GNB1: variants seen among roughly 807,000 people sequenced by gnomAD.
The protein encoded by GNB1 is guanine nucleotide-binding protein G(I)/G(S)/G(T) subunit beta-1.
Under a neutral mutation model 42.9 loss-of-function variants are expected in GNB1, and 2 were observed. The ratio of observed to expected loss-of-function variants is 0.05; its 90% CI spans 0.02 to 0.15. The LOEUF (loss-of-function observed/expected upper bound fraction) is 0.15. GNB1 is among the 10% of genes least tolerant of loss of function. The pLI is 1.00. For missense variants in GNB1, 193 were observed against 462.2 expected (o/e 0.42, Z 5.34); for synonymous variants, 183 against 174.7 (o/e 1.05, Z -0.38).
chr1:1,885,152 C>T (rs1457415027), intron 1 of GNB1, among the ~76,000 whole-genome samples: 1 of 151,824 alleles, frequency 6.6e-6, no homozygotes, highest in African/African-American at 2.4e-5. Flanking sequence ...GTGGCTCACA[C>T]CTGTAATCCC....
chr1:1,805,556 T>G (rs1027212307), intron 6 of GNB1, among the ~76,000 whole-genome samples: 2 of 152,066 alleles, frequency 1.3e-5, no homozygotes, highest in South Asian at 2.1e-4. Context: ...AATTTTTTTT[T>G]CGAGATGGAG....
intron 1 of GNB1, among the ~76,000 whole-genome samples, chr1:1,872,290 T>A (rs1394124596): frequency 6.6e-6 from 1 of 152,254 alleles, no homozygotes; most frequent in Non-Finnish European, 1.5e-5. Flanking sequence ...AACAATCTTT[T>A]AAAATTCACC....
chr1:1,869,196 A>C (rs1649114858), intron 1 of GNB1, among the ~76,000 whole-genome samples: 1 of 151,032 alleles, frequency 6.6e-6, no homozygotes, highest in African/African-American at 2.4e-5. Context: ...AAAAAAAAAA[A>C]AAAAAAAAAA....
At chr1:1,796,523 G>A (rs1468582169) in intron 7 of GNB1, among the ~76,000 whole-genome samples, 3 of 152,226 alleles carry the variant, frequency 2.0e-5, no homozygotes, top group African/African-American at 7.2e-5. Flanking sequence ...CACATAAGAA[G>A]TTCTCAGTAA....
chr1:1,829,371 A>G (rs1452829743), intron 2 of GNB1, among the ~76,000 whole-genome samples: 1 of 152,168 alleles, frequency 6.6e-6, no homozygotes, highest in Admixed American at 6.6e-5. Flanking sequence ...TGTATTTTCT[A>G]CAATCAAATT....
intron 1 of GNB1, among the ~76,000 whole-genome samples, chr1:1,885,549 A>ATTTTTTTT (rs1380160228): frequency 4.4e-4 from 62 of 140,680 alleles, no homozygotes; most frequent in African/African-American, 1.6e-3. Flanking sequence ...CTTCCACTTA[A>ATTTTTTTT]TCTTTTTTTT....
At chr1:1,823,406 T>C (rs1276077271) in intron 3 of GNB1, among the ~76,000 whole-genome samples, 2 of 152,118 alleles carry the variant, frequency 1.3e-5, no homozygotes, top group African/African-American at 2.4e-5. Flanking sequence ...CCAAAAACCA[T>C]GCTGACTTAA....
intron 1 of GNB1, among the ~76,000 whole-genome samples, chr1:1,845,491 T>C (rs1330407845): frequency 6.6e-6 from 1 of 152,086 alleles, no homozygotes; most frequent in Non-Finnish European, 1.5e-5. Flanking sequence ...GAGAATGGCG[T>C]GAACCCAGGA....
intron 3 of GNB1, 35 bp from the exon 4 acceptor site, chr1:1,817,910 TTCA>T: frequency 6.6e-7 from 1 of 1,524,948 alleles, no homozygotes; most frequent in Non-Finnish European, 9.1e-7. Flanking sequence ...TTAGCAACCT[TTCA>T]GATACATTCA....
chr1:1,865,723 A>C (rs534082014), intron 1 of GNB1, among the ~76,000 whole-genome samples: 50 of 152,352 alleles, frequency 3.3e-4, no homozygotes, highest in Middle Eastern at 3.4e-3. Context: ...GGCAGATTTA[A>C]ACAAATTCCT....
At chr1:1,837,553 C>CTTTTTG (rs751404747) in intron 2 of GNB1, among the ~76,000 whole-genome samples, 1 of 146,794 alleles carries the variant, frequency 6.8e-6, no homozygotes, top group Non-Finnish European at 1.5e-5. Context: ...CATGCCTGGC[C>CTTTTTG]TTTTTGTTTT....
chr1:1,877,500 T>C (rs1649615674), intron 1 of GNB1, among the ~76,000 whole-genome samples: 1 of 151,692 alleles, frequency 6.6e-6, no homozygotes, highest in African/African-American at 2.4e-5. Flanking sequence ...TTTATAAAAT[T>C]TTATTTATTT....
intron 3 of GNB1, among the ~76,000 whole-genome samples, chr1:1,823,241 A>AG (rs1491099290): frequency 8.0e-5 from 11 of 137,984 alleles, no homozygotes; most frequent in African/African-American, 2.8e-4. Flanking sequence ...GACTGTCTCC[A>AG]GAAAAAAAAA....
At position 1,814,080 on chromosome 1, in the gene GNB1, C is replaced by T. The variant is rs537002757; in HGVS notation, c.203+1676G>A. On this transcript the variant is annotated intron_variant, in intron 5 of 11. Coordinates refer to ENST00000378609, the MANE Select transcript of GNB1 (RefSeq NM_002074.5). Reference sequence around the variant, plus strand: ...CTCAGAATATCATCTCCCCACTTCCCCACCCTCCCCCTTCCCACTTTTATT... The same window carrying T: ...CTCAGAATATCATCTCCCCACTTCCTCACCCTCCCCCTTCCCACTTTTATT... 1.2e-3 allele frequency among the ~76,000 whole-genome samples: 178 copies of T among 152,278 alleles called. 1 individual carries two copies. The highest frequency in any genetic ancestry group is 2.3e-3 in the Non-Finnish European group (157 of 68,024).
At chr1:1,875,295 G>T (rs1350893413) in intron 1 of GNB1, among the ~76,000 whole-genome samples, 3 of 151,924 alleles carry the variant, frequency 2.0e-5, no homozygotes, top group African/African-American at 7.3e-5. Flanking sequence ...CAGTTCAAGT[G>T]ATTCTCATGC....
intron 1 of GNB1, among the ~76,000 whole-genome samples, chr1:1,861,934 C>A (rs1470742613): frequency 3.9e-5 from 6 of 152,138 alleles, no homozygotes; most frequent in Non-Finnish European, 5.9e-5. Context: ...GGCGCAGTGG[C>A]TCACGCCTGT....
At chr1:1,859,613 TG>T (rs1410763208) in intron 1 of GNB1, among the ~76,000 whole-genome samples, 3 of 122,616 alleles carry the variant, frequency 2.4e-5, no homozygotes, top group Non-Finnish European at 4.9e-5. Context: ...TTGGCAGGAG[TG>T]GGGGAGGAAA....
chr1:1,787,793 A>G lies in GNB1; in HGVS notation c.917-356T>C, dbSNP rs1409090788. Reference sequence around the variant, plus strand: ...AGGCCTGTAATCCCAGCACGTTGGAAGGCCGAGGCAGGCAGATCATGAGGT... The same window carrying G: ...AGGCCTGTAATCCCAGCACGTTGGAGGGCCGAGGCAGGCAGATCATGAGGT... On this transcript the variant is annotated intron_variant, in intron 10 of 11. Coordinates refer to ENST00000378609, the MANE Select transcript of GNB1 (RefSeq NM_002074.5). The surrounding 1 kb of genome is among the most constrained non-coding windows in gnomAD (Gnocchi z 4.4). Among the ~76,000 whole-genome samples the G allele has an allele frequency of 6.6e-6, 1 of 152,186 alleles. No homozygotes were observed. Among genetic ancestry groups the G allele is most frequent in the Non-Finnish European group, 1.5e-5 (1 of 68,032 alleles).
At chr1:1,808,006 G>C (rs920931227) in intron 5 of GNB1, among the ~76,000 whole-genome samples, 1 of 151,608 alleles carries the variant, frequency 6.6e-6, no homozygotes, top group African/African-American at 2.4e-5. Context: ...ACCACGCCCG[G>C]CCTCTTTTTT....
Sources: allele counts gnomAD v4.1 joint callset (sites outside exome capture counted in the v4.1 genomes callset), GRCh38; gene constraint gnomAD v4.1.1; non-coding constraint Gnocchi (gnomAD v3.1); transcripts MANE v1.5; gene names NCBI Gene and HGNC (gene_info 2026-07-23, HGNC 2026-07-21).